CTDSPL: variants seen among roughly 807,000 people sequenced by gnomAD.
CTDSPL encodes the protein CTD small phosphatase like.
A neutral mutation model predicts 30.5 loss-of-function variants in CTDSPL; 8 were observed. The observed-to-expected ratio is 0.26, with a 90% CI of 0.15 to 0.47. The LOEUF (loss-of-function observed/expected upper bound fraction) is 0.47, where lower values mean the gene tolerates loss of function less well. CTDSPL is among the 20% of genes least tolerant of loss of function. The pLI is 0.99. For missense variants in CTDSPL, 248 were observed against 366.1 expected, an observed-to-expected ratio of 0.68 and a Z score of 2.63; for synonymous variants, 110 against 137.9, an observed-to-expected ratio of 0.80 and a Z score of 1.42.
At chr3:37,918,538 T>G (rs1224042780) in intron 1 of CTDSPL, among the ~76,000 whole-genome samples, 1 of 152,208 alleles carries the variant, frequency 6.6e-6, no homozygotes, top group Non-Finnish European at 1.5e-5. Flanking sequence ...AGAGAACTCT[T>G]TCATTCTATC....
At chr3:37,976,133 G>A (rs573116167) in intron 7 of CTDSPL, among the ~76,000 whole-genome samples, 2 of 152,296 alleles carry the variant, frequency 1.3e-5, no homozygotes, top group South Asian at 2.1e-4. Flanking sequence ...ATCATTGGAG[G>A]TTGCAGTGTG....
At chr3:37,957,075 G>C (rs73058970) in intron 2 of CTDSPL, 36 bp from the exon 3 acceptor site, 1 of 1,575,942 alleles carries the variant, frequency 6.3e-7, no homozygotes, top group Non-Finnish European at 8.7e-7. Flanking sequence ...TCTTCTCTTC[G>C]AACCTGACAA....
At chr3:37,895,226 G>A (rs1022956735) in intron 1 of CTDSPL, among the ~76,000 whole-genome samples, 1 of 151,534 alleles carries the variant, frequency 6.6e-6, no homozygotes, top group African/African-American at 2.4e-5. Context: ...TTTGTTTTTT[G>A]CCATTGCCAA....
chr3:37,923,220 G>T (rs1419729022), intron 1 of CTDSPL, among the ~76,000 whole-genome samples: 1 of 152,216 alleles, frequency 6.6e-6, no homozygotes, highest in Non-Finnish European at 1.5e-5. Context: ...CTGGCAGCTG[G>T]CTGGCTGTAG....
At chr3:37,883,696 T>C (rs1698233360) in intron 1 of CTDSPL, among the ~76,000 whole-genome samples, 2 of 152,224 alleles carry the variant, frequency 1.3e-5, no homozygotes, top group African/African-American at 2.4e-5. Context: ...TAGAATACTT[T>C]AGTGAAGCCC....
At chr3:37,877,012 A>G (rs938260642) in intron 1 of CTDSPL, among the ~76,000 whole-genome samples, 1 of 151,670 alleles carries the variant, frequency 6.6e-6, no homozygotes, top group Non-Finnish European at 1.5e-5. Context: ...AGGTTGAGGA[A>G]GGAGAATCGC....
intron 1 of CTDSPL, among the ~76,000 whole-genome samples, chr3:37,877,745 T>G (rs1053684050): frequency 1.5e-4 from 23 of 152,162 alleles, no homozygotes; most frequent in African/African-American, 5.6e-4. Flanking sequence ...CACCGACATC[T>G]GCTTGGCTTC....
chr3:37,970,314 C>T (rs1699352532), intron 5 of CTDSPL, among the ~76,000 whole-genome samples: 1 of 152,194 alleles, frequency 6.6e-6, no homozygotes. Flanking sequence ...TCTACTACAA[C>T]TTTCATTATG....
intron 3 of CTDSPL, among the ~76,000 whole-genome samples, chr3:37,963,449 T>C (rs1253294016): frequency 6.6e-6 from 1 of 152,242 alleles, no homozygotes; most frequent in Admixed American, 6.5e-5. Context: ...CAGCTTGATT[T>C]CATTTTTTTC....
intron 1 of CTDSPL, among the ~76,000 whole-genome samples, chr3:37,905,490 G>A (rs1019028134): frequency 1.3e-5 from 2 of 152,180 alleles, no homozygotes; most frequent in East Asian, 1.9e-4. Context: ...TGGGCAACTC[G>A]TGGGTCAATG....
In CTDSPL at chr3:37,975,229, G is replaced by A. The variant is rs146306743; in HGVS notation, c.520-480G>A. On this transcript the variant is annotated intron_variant, in intron 6 of 7. Transcript: ENST00000273179. This position sits in a 1 kb window ranked among gnomAD's most constrained non-coding sequence, Gnocchi z 4.9. ...GGAGCTCATTCAGCTGTGCCATGTG[G>A]GACGCAGCAGTGAGGAACGTGGGCC... 9.2e-5 allele frequency among the ~76,000 whole-genome samples: 14 copies of A among 152,350 alleles called. No individual in the cohort carries two copies. In the East Asian group the frequency reaches 2.7e-3, roughly 29 times the overall value.
intron 1 of CTDSPL, among the ~76,000 whole-genome samples, chr3:37,873,468 A>G (rs1303805342): frequency 2.0e-5 from 3 of 152,136 alleles, no homozygotes; most frequent in Admixed American, 2.0e-4. Context: ...CAGGGAAATC[A>G]CCACCCTATT....
At chr3:37,957,796 G>A (rs148843785) in intron 3 of CTDSPL, among the ~76,000 whole-genome samples, 1 of 152,274 alleles carries the variant, frequency 6.6e-6, no homozygotes, top group East Asian at 1.9e-4. Flanking sequence ...CCACCCCTCA[G>A]CCATCCGCTG....
rs1697951593 is a variant in CTDSPL at position 37,862,324 on chromosome 3, C to T, written c.79+46C>T. On this transcript the variant is annotated intron_variant, in intron 1 of 7. Transcript: ENST00000273179. The surrounding 1 kb of genome is among the most constrained non-coding windows in gnomAD (Gnocchi z 4.3). ...CCGCGGGCTGGGGGCGAGCGCACAC[C>T]CCGCGCCGCTGGAGTTCACTGCCGG... The T allele has an allele frequency of 7.1e-7, 1 of 1,418,306 alleles. No homozygotes were observed. The allele number at this position is 1,418,306 out of a possible 1,614,324, so 87.9% of individuals were successfully genotyped here. A position where few individuals can be genotyped will look rare whatever the true frequency, so the allele number is the denominator to read the frequency against.
intron 6 of CTDSPL, among the ~76,000 whole-genome samples, chr3:37,972,850 G>A (rs752016357): frequency 3.3e-5 from 5 of 152,240 alleles, no homozygotes; most frequent in Non-Finnish European, 7.3e-5. Flanking sequence ...GACCCTGAGT[G>A]GTCCCAAAGA....
chr3:37,899,453 G>T (rs1381650868), intron 1 of CTDSPL, among the ~76,000 whole-genome samples: 2 of 152,160 alleles, frequency 1.3e-5, no homozygotes, highest in African/African-American at 4.8e-5. Context: ...CCATGTGCAG[G>T]AGCTGCCAAC....
chr3:37,960,219 G>T lies in CTDSPL; in HGVS notation c.267+3076G>T, dbSNP rs181063763. Among the ~76,000 whole-genome samples, 3 of 151,714 alleles carry T rather than the reference G, an allele frequency of 2.0e-5. No individual in the cohort carries two copies. The East Asian group carries it at 5.8e-4, about 29-fold the overall frequency. ...AATTAGGCTGGGCGTGGTAGCTCAC[G>T]CCTGGAATCCCAGCATTTTGGGAGG... On this transcript the variant is annotated intron_variant, in intron 3 of 7. Coordinates refer to ENST00000273179, the MANE Select transcript of CTDSPL (RefSeq NM_001008392.2).
At chr3:37,952,680 A>C (rs1447228708) in intron 2 of CTDSPL, among the ~76,000 whole-genome samples, 4 of 152,262 alleles carry the variant, frequency 2.6e-5, no homozygotes, top group African/African-American at 9.6e-5. Context: ...TGACTTAGTC[A>C]AACCAATTGG....
At chr3:37,964,157 G>A (rs1485635784) in intron 3 of CTDSPL, among the ~76,000 whole-genome samples, 1 of 147,612 alleles carries the variant, frequency 6.8e-6, no homozygotes, top group Non-Finnish European at 1.5e-5. Context: ...GACCTCCATT[G>A]TGACAGTACC....
Sources: gnomAD v4.1 joint callset for allele counts (sites outside exome capture counted in the v4.1 genomes callset) on GRCh38, gnomAD v4.1.1 for gene constraint, Gnocchi (gnomAD v3.1) non-coding constraint, MANE v1.5 for transcripts, NCBI Gene and HGNC (gene_info 2026-07-23, HGNC 2026-07-21) for gene names.